Variants in LY75 observed in about 807,000 individuals in gnomAD.
The protein encoded by LY75 is C-type lectin domain family 13 member B.
LY75 carries 185 observed loss-of-function variants against 231.7 expected under a neutral mutation model. The observed-to-expected ratio is 0.80, with a 90% CI of 0.71 to 0.90. The LOEUF is 0.90. Ranked by LOEUF, LY75 falls within the 40% of genes least tolerant of loss-of-function variation. The pLI is 0.00. For missense variants in LY75, 1,947 were observed against 2,050.2 expected (o/e 0.95, Z 0.97); for synonymous variants, 668 against 689.0 (o/e 0.97, Z 0.48).
chr2:159,841,399 T>A (rs1471047656), intron 24 of LY75, among the ~76,000 whole-genome samples: 4 of 152,026 alleles, frequency 2.6e-5, no homozygotes, highest in Non-Finnish European at 5.9e-5. Flanking sequence ...AATAAAGGAG[T>A]TAGTTAAAAA....
chr2:159,852,517 C>A (rs1684435104), intron 20 of LY75, among the ~76,000 whole-genome samples, 177 bp from the exon 21 acceptor site: 1 of 151,354 alleles, frequency 6.6e-6, no homozygotes. Flanking sequence ...CTCCCAGATT[C>A]AAGTGATTCT....
chr2:159,819,611 C>T (rs966545910), intron 29 of LY75, 115 bp downstream of exon 29: 25 of 1,301,352 alleles, frequency 1.9e-5, no homozygotes, highest in Admixed American at 4.9e-5. Flanking sequence ...TGTAACACCT[C>T]GCACAGGACT....
chr2:159,891,749 T>C (rs1685764847), intron 3 of LY75, among the ~76,000 whole-genome samples: 1 of 152,154 alleles, frequency 6.6e-6, no homozygotes, highest in African/African-American at 2.4e-5. Flanking sequence ...GGAAGGAGGA[T>C]AAAGAATCCT....
At chr2:159,817,553 CTT>C (rs1374257191) in intron 29 of LY75, among the ~76,000 whole-genome samples, 2 of 152,110 alleles carry the variant, frequency 1.3e-5, no homozygotes, top group African/African-American at 4.8e-5. Flanking sequence ...GCTGGAAAGA[CTT>C]AAGCAAAATA....
chr2:159,882,370 A>G (rs1416041860), intron 6 of LY75, 55 bp from the exon 7 acceptor site: 5 of 1,555,040 alleles, frequency 3.2e-6, no homozygotes, highest in Admixed American at 2.0e-5. Flanking sequence ...TTGTGAATCA[A>G]TAACATTGCA....
chr2:159,865,001 T>A, intron 13 of LY75, 81 bp from the exon 14 acceptor site: 1 of 1,268,220 alleles, frequency 7.9e-7, no homozygotes, highest in Non-Finnish European at 1.1e-6. Flanking sequence ...TGTGCATCAC[T>A]AATTGAAAAG....
chr2:159,842,239 T>C lies in LY75; in HGVS notation c.3280+6A>G. The C allele has an allele frequency of 6.2e-7, 1 of 1,608,662 alleles. No homozygotes were observed. The highest frequency in any genetic ancestry group is 8.5e-7 in the Non-Finnish European group (1 of 1,177,056). ...GTACCATAGTTATCTAGATAATAAT[T>C]GTTACCTGAATATTTCTGACAGAGA... On this transcript the variant is annotated splice_donor_region_variant and intron_variant, in intron 24 of 34. Transcript: ENST00000263636.
rs749964246 is a variant in LY75, at chr2:159,882,148, C to T, written c.1222G>A (p.Val408Ile). Reference protein sequence around the residue: ...SIHSLADVEVVVTKLHNEDIK... With the variant: ...SIHSLADVEVIVTKLHNEDIK... ...CCCTCATTATGGAGTTTTGTGACAACCACCTCCACATCTGCTAGAGAATGA... is the reference window on the plus strand; with the variant it reads ...CCCTCATTATGGAGTTTTGTGACAATCACCTCCACATCTGCTAGAGAATGA... The change falls in exon 7 of 35, where the codon GTT (valine) becomes ATT (isoleucine). Residue 408 changes from valine (V) to isoleucine (I), a missense_variant. Val to Ile is a conservative substitution (Grantham distance 29). Transcript: ENST00000263636. 6.2e-7 allele frequency: 1 copy of T among 1,612,972 alleles called. No homozygotes were observed. Among genetic ancestry groups the T allele is most frequent in the African/African-American group, 1.3e-5 (1 of 74,974 alleles).
intron 13 of LY75, among the ~76,000 whole-genome samples, chr2:159,870,221 G>C (rs1684969949): frequency 6.6e-6 from 1 of 152,162 alleles, no homozygotes; most frequent in Admixed American, 6.5e-5. Context: ...GGAGGCCAAG[G>C]AAGGTGAATC....
rs1683228373 is a variant in LY75 at position 159,819,720 on chromosome 2, A to G, written c.4153+6T>C. Reference sequence around the variant, plus strand: ...GAAAGAAAACTCTATATTTTACTATACTTACCCATTTCAATTTTACAAGCA... The same window carrying G: ...GAAAGAAAACTCTATATTTTACTATGCTTACCCATTTCAATTTTACAAGCA... On this transcript the variant is annotated splice_donor_region_variant and intron_variant, in intron 29 of 34. Transcript: ENST00000263636. The G allele has an allele frequency of 1.2e-6, 2 of 1,606,874 alleles. 1 individual carries two copies.
rs1685969400 is a variant in LY75 at position 159,898,598 on chromosome 2, A to G, written c.466+90T>C. 5 of 1,530,868 alleles carry G rather than the reference A, an allele frequency of 3.3e-6. No individual in the cohort carries two copies. In the South Asian group the frequency reaches 6.4e-5, roughly 19 times the overall value. The allele number at this position is 1,530,868 out of a possible 1,614,324, so 94.8% of individuals were successfully genotyped here. ...GCTTACTCACTGCCCTTACTAATGT[A>G]CGACTCTATTTTTACTAAATTGTGC... On this transcript the variant is annotated intron_variant, in intron 2 of 34. Coordinates refer to ENST00000263636, the MANE Select transcript of LY75 (RefSeq NM_002349.4).
rs771218622 is a variant in LY75, at chr2:159,819,747, GA to G, written c.4131del (p.Ala1379LeufsTer35). 6.2e-7 allele frequency: 1 copy of G among 1,611,314 alleles called. No individual in the cohort carries two copies. The highest frequency in any genetic ancestry group is 8.5e-7 in the Non-Finnish European group (1 of 1,179,282). On this transcript the variant is annotated frameshift_variant, in exon 29 of 35. Transcript: ENST00000263636. LOFTEE classifies it high-confidence loss of function. ...TTACCCATTTCAATTTTACAAGCAAGAATGCTGTGCTGGTGAAAATAAACTG... is the reference window on the plus strand; with the variant it reads ...TTACCCATTTCAATTTTACAAGCAAGATGCTGTGCTGGTGAAAATAAACTG... ...EEAVYFHQHS[I>X]LACKIEMVDY...
chr2:159,861,039 T>C, intron 14 of LY75, 150 bp from the exon 15 acceptor site: 1 of 728,916 alleles, frequency 1.4e-6, no homozygotes, highest in Non-Finnish European at 2.3e-6. Flanking sequence ...TGATGCTAAA[T>C]CATGAGAGGA....
intron 25 of LY75, among the ~76,000 whole-genome samples, chr2:159,839,915 A>T (rs1257348332): frequency 6.7e-6 from 1 of 148,912 alleles, no homozygotes; most frequent in African/African-American, 2.5e-5. Context: ...CTGAAGCATG[A>T]GAATCACTTG....
chr2:159,874,976 ATTGTAAATATG>A (rs1223356067), intron 12 of LY75, among the ~76,000 whole-genome samples: 3 of 137,996 alleles, frequency 2.2e-5, no homozygotes, highest in African/African-American at 5.3e-5. Context: ...TAATATATAT[ATTGTAAATATG>A]TTTATAAATA....
At position 159,874,577 on chromosome 2, in the gene LY75, C is replaced by CATATTTTGTAAATATATATAAATATAT. The variant is rs1685159436; in HGVS notation, c.1974+840_1974+866dup. On this transcript the variant is annotated intron_variant, in intron 12 of 34. Coordinates refer to ENST00000263636, the MANE Select transcript of LY75 (RefSeq NM_002349.4). ...TTTTGTAAATCTATATAAATATGTA[C>CATATTTTGTAAATATATATAAATATAT]ATATTTTGTAAATATATATAAATAT... Among the ~76,000 whole-genome samples the CATATTTTGTAAATATATATAAATATAT allele has an allele frequency of 4.1e-4, 10 of 24,662 alleles. 2 individuals carry two copies. The highest frequency in any genetic ancestry group is 1.7e-3 in the Admixed American group (2 of 1,162). The allele number at this position is 24,662 out of a possible 152,430, so 16.2% of individuals were successfully genotyped here.
At chr2:159,862,707 C>A (rs1277809184) in intron 14 of LY75, among the ~76,000 whole-genome samples, 1 of 152,052 alleles carries the variant, frequency 6.6e-6, no homozygotes, top group African/African-American at 2.4e-5. Flanking sequence ...AAAGTATATG[C>A]ATTTATCATA....
chr2:159,821,865 C>T (rs1327255108), intron 28 of LY75, among the ~76,000 whole-genome samples: 4 of 152,184 alleles, frequency 2.6e-5, no homozygotes, highest in African/African-American at 9.7e-5. Flanking sequence ...ACTGGTTGGA[C>T]AGTGGGTGCA....
At chr2:159,822,653 G>A (rs541737957) in intron 28 of LY75, among the ~76,000 whole-genome samples, 13 of 152,304 alleles carry the variant, frequency 8.5e-5, no homozygotes, top group African/African-American at 2.6e-4. Flanking sequence ...GTGGGTCTCT[G>A]ACCCCCAGGT....
Sources: gnomAD v4.1 joint callset for allele counts (sites outside exome capture counted in the v4.1 genomes callset) on GRCh38, gnomAD v4.1.1 for gene constraint, MANE v1.5 for transcripts, NCBI Gene and HGNC (gene_info 2026-07-23, HGNC 2026-07-21) for gene names.